ANKS1B: variants seen among roughly 807,000 people sequenced by gnomAD.
ANKS1B encodes the protein ankyrin repeat and sterile alpha motif domain containing 1B.
In ANKS1B, 36 loss-of-function variants were observed where a neutral mutation model predicts 148.3. The ratio of observed to expected loss-of-function variants is 0.24; its 90% CI spans 0.19 to 0.32. The LOEUF (loss-of-function observed/expected upper bound fraction) is 0.32, where lower values mean the gene tolerates loss of function less well. Among genes scored for constraint, ANKS1B ranks in the 10% least tolerant of loss-of-function variants. The pLI, the probability that ANKS1B is intolerant of heterozygous loss-of-function variation, is 1.00. For missense variants in ANKS1B, 1,157 were observed against 1,542.6 expected (o/e 0.75, Z 4.19); for synonymous variants, 542 against 560.8 (o/e 0.97, Z 0.47).
At chr12:99,542,212 A>T (rs932588065) in intron 9 of ANKS1B, among the ~76,000 whole-genome samples, 1 of 152,232 alleles carries the variant, frequency 6.6e-6, no homozygotes, top group Non-Finnish European at 1.5e-5. Flanking sequence ...CAAGTTCAGC[A>T]AGTTTGCAGA....
At chr12:99,778,569 CATAGA>C (rs1290747501) in intron 6 of ANKS1B, among the ~76,000 whole-genome samples, 1 of 149,614 alleles carries the variant, frequency 6.7e-6, no homozygotes, top group East Asian at 2.0e-4. Flanking sequence ...ATACAAAGTG[CATAGA>C]GGGAGAAGAC....
At chr12:98,767,649 AC>A (rs2098503024) in intron 25 of ANKS1B, among the ~76,000 whole-genome samples, 1 of 152,216 alleles carries the variant, frequency 6.6e-6, no homozygotes, top group Admixed American at 6.5e-5. Context: ...AAGGAAGAAC[AC>A]CTTTTAACAT....
intron 15 of ANKS1B, among the ~76,000 whole-genome samples, chr12:99,137,380 T>C (rs1022556145): frequency 7.9e-5 from 12 of 152,152 alleles, no homozygotes; most frequent in Admixed American, 3.9e-4. Flanking sequence ...GTCAACGACA[T>C]TGACTGCTCA....
At chr12:99,474,281 T>A (rs1430753570) in intron 10 of ANKS1B, among the ~76,000 whole-genome samples, 1 of 152,144 alleles carries the variant, frequency 6.6e-6, no homozygotes, top group Non-Finnish European at 1.5e-5. Context: ...ATTGGTATTA[T>A]CTGTTCATTA....
chr12:99,707,885 A>G (rs1454641159), intron 8 of ANKS1B, among the ~76,000 whole-genome samples: 2 of 152,134 alleles, frequency 1.3e-5, no homozygotes, highest in Admixed American at 1.3e-4. Flanking sequence ...ACTGACTCAG[A>G]AATCAGGTGT....
intron 9 of ANKS1B, among the ~76,000 whole-genome samples, chr12:99,644,946 G>A (rs1196542849): frequency 6.6e-6 from 1 of 152,034 alleles, no homozygotes; most frequent in Non-Finnish European, 1.5e-5. Context: ...CTCTGACCCT[G>A]CTGCCTTTCT....
rs1231284798 is a variant in ANKS1B at position 98,835,089 on chromosome 12, AT to A, written c.2779-2954del. On this transcript the variant is annotated intron_variant, in intron 17 of 26. Transcript: ENST00000683438. ...TAGAAATGTTTTTTATAATAAAGACATTTGCTTAATTATTATTATTATTATT... is the reference window on the plus strand; with the variant it reads ...TAGAAATGTTTTTTATAATAAAGACATTGCTTAATTATTATTATTATTATT... 6.3e-5 allele frequency among the ~76,000 whole-genome samples: 8 copies of A among 126,588 alleles called. No homozygotes were observed. The East Asian group carries it at 2.0e-3, about 32-fold the overall frequency. 83.0% of individuals were successfully genotyped at this position (126,588 alleles called of 152,430 possible).
At chr12:99,333,482 T>A (rs2087994375) in intron 12 of ANKS1B, among the ~76,000 whole-genome samples, 3 of 152,200 alleles carry the variant, frequency 2.0e-5, no homozygotes, top group Middle Eastern at 6.8e-3. Flanking sequence ...TAGCATTTAC[T>A]TCTGTACCAA....
intron 1 of ANKS1B, among the ~76,000 whole-genome samples, chr12:99,829,050 T>G (rs1216089611): frequency 6.6e-6 from 1 of 151,880 alleles, no homozygotes; most frequent in Non-Finnish European, 1.5e-5. Flanking sequence ...GGCAAAGATA[T>G]AGACAAATAG....
chr12:99,699,681 A>G (rs1324513193), intron 8 of ANKS1B, among the ~76,000 whole-genome samples: 3 of 152,202 alleles, frequency 2.0e-5, no homozygotes, highest in Non-Finnish European at 4.4e-5. Context: ...GACTTGCTCA[A>G]GATTTTATAC....
intron 10 of ANKS1B, among the ~76,000 whole-genome samples, chr12:99,489,483 G>T (rs2096535160): frequency 6.6e-6 from 1 of 152,110 alleles, no homozygotes; most frequent in Non-Finnish European, 1.5e-5. Flanking sequence ...GAAGAGAAAA[G>T]AAGCATTATA....
intron 12 of ANKS1B, among the ~76,000 whole-genome samples, chr12:99,249,176 C>T (rs1266894656): frequency 1.3e-5 from 2 of 151,946 alleles, no homozygotes; most frequent in Non-Finnish European, 2.9e-5. Context: ...TTGAAAGTTG[C>T]TGAAGAAGGA....
intron 17 of ANKS1B, among the ~76,000 whole-genome samples, chr12:98,864,888 C>G (rs2099616793): frequency 6.6e-6 from 1 of 152,152 alleles, no homozygotes. Flanking sequence ...TACATCCCTG[C>G]CATTTATCCC....
At chr12:99,050,358 A>T (rs1402963431) in intron 17 of ANKS1B, among the ~76,000 whole-genome samples, 4 of 152,200 alleles carry the variant, frequency 2.6e-5, no homozygotes, top group African/African-American at 9.6e-5. Flanking sequence ...CTGAAGGTTC[A>T]GGTCAATATT....
At chr12:99,827,098 A>C (rs1603113106) in intron 1 of ANKS1B, among the ~76,000 whole-genome samples, 1 of 152,042 alleles carries the variant, frequency 6.6e-6, no homozygotes, top group African/African-American at 2.4e-5. Flanking sequence ...CAGCCTGGGC[A>C]ACAGAGCAAG....
chr12:99,317,426 A>G (rs560008169), intron 12 of ANKS1B, among the ~76,000 whole-genome samples: 6 of 152,150 alleles, frequency 3.9e-5, no homozygotes, highest in African/African-American at 1.2e-4. Flanking sequence ...CTTTGAAGCA[A>G]TTGTGAATGG....
chr12:98,959,402 G>A (rs569056594), intron 17 of ANKS1B, among the ~76,000 whole-genome samples: 4 of 152,192 alleles, frequency 2.6e-5, no homozygotes, highest in African/African-American at 9.6e-5. Flanking sequence ...AGGCTGGGTG[G>A]GCATGTGTCT....
At position 99,779,903 on chromosome 12, in the gene ANKS1B, T is replaced by A; in HGVS notation, c.815A>T (p.Gln272Leu). The A allele has an allele frequency of 6.2e-7, 1 of 1,612,854 alleles. No homozygotes were observed. Among genetic ancestry groups the A allele is most frequent in the Non-Finnish European group, 8.5e-7 (1 of 1,179,516 alleles). ...VLDILKEHPS[Q>L]KSLQIATLLQ... is the part of the protein sequence containing the mutation. ...GAGTGTTGCAATCTGGAGAGATTTC[T>A]GAGATGGATGTTCTTTCAGAATGTC... The change falls in exon 6 of 27, where the codon CAG (glutamine) becomes CTG (leucine). Residue 272 changes from glutamine (Q) to leucine (L), a missense_variant. Transcript: ENST00000683438.
intron 1 of ANKS1B, among the ~76,000 whole-genome samples, chr12:99,910,354 CAAAA>C (rs57222450): frequency 2.0e-5 from 1 of 51,092 alleles, no homozygotes; most frequent in Admixed American, 2.9e-4. Flanking sequence ...GACTCCATCT[CAAAA>C]AAAAAAAAAA....
Sources: gnomAD v4.1 joint callset for allele counts (sites outside exome capture counted in the v4.1 genomes callset) on GRCh38, gnomAD v4.1.1 for gene constraint, MANE v1.5 for transcripts, NCBI Gene and HGNC (gene_info 2026-07-23, HGNC 2026-07-21) for gene names.